Variants in LARGE1 observed in about 807,000 individuals in gnomAD.
LARGE1 encodes xylosyl- and glucuronyltransferase LARGE1.
A neutral mutation model predicts 87.6 loss-of-function variants in LARGE1; 43 were observed. The observed-to-expected ratio is 0.49, with a 90% CI of 0.38 to 0.63. The LOEUF (loss-of-function observed/expected upper bound fraction) is 0.63, where lower values mean the gene tolerates loss of function less well. Ranked by LOEUF, LARGE1 falls within the 30% of genes least tolerant of loss-of-function variation. The pLI, the probability that LARGE1 is intolerant of heterozygous loss-of-function variation, is 0.00. For missense variants in LARGE1, 802 were observed against 1,000.2 expected (o/e 0.80, Z 2.67); for synonymous variants, 434 against 394.6 (o/e 1.10, Z -1.18).
At chr22:33,539,279 G>T (rs939313870) in intron 6 of LARGE1, among the ~76,000 whole-genome samples, 1 of 150,950 alleles carries the variant, frequency 6.6e-6, no homozygotes, top group Non-Finnish European at 1.5e-5. Flanking sequence ...GCAAGTCCTG[G>T]TAACAGAATC....
intron 11 of LARGE1, among the ~76,000 whole-genome samples, chr22:33,209,121 G>T (rs7285709): frequency 0.22 from 33,523 of 152,112 alleles, 4,091 homozygotes; most frequent in Middle Eastern, 0.34. Context: ...GGCATTTCTG[G>T]TTCTAAATCC....
At chr22:33,500,592 T>C (rs2070379877) in intron 6 of LARGE1, among the ~76,000 whole-genome samples, 1 of 152,214 alleles carries the variant, frequency 6.6e-6, no homozygotes, top group African/African-American at 2.4e-5. Flanking sequence ...AGCATCCCTC[T>C]GCCTGACTCT....
At chr22:33,267,005 C>T (rs145082415) in intron 11 of LARGE1, among the ~76,000 whole-genome samples, 4 of 151,658 alleles carry the variant, frequency 2.6e-5, no homozygotes, top group Non-Finnish European at 5.9e-5. Flanking sequence ...TTTGGGAGTC[C>T]GAAGCAGGTG....
chr22:33,495,653 A>T (rs2070077028), intron 6 of LARGE1, among the ~76,000 whole-genome samples: 1 of 151,952 alleles, frequency 6.6e-6, no homozygotes, highest in Admixed American at 6.6e-5. Flanking sequence ...TGGGAGGCGG[A>T]GGTTGCAGTG....
rs538631671 is a variant in LARGE1 at position 33,514,336 on chromosome 22, G to GTA, written c.787+50510_787+50511dup. ...TGCACAGTTATGCCTGCATATGTGT[G>GTA]TATATATATATTCATAGACATATGC... On this transcript the variant is annotated intron_variant, in intron 6 of 14. Coordinates refer to ENST00000397394, the MANE Select transcript of LARGE1 (RefSeq NM_133642.5). Among the ~76,000 whole-genome samples, 142 of 152,028 alleles carry GTA rather than the reference G, an allele frequency of 9.3e-4. 1 individual carries two copies. Among genetic ancestry groups the GTA allele is most frequent in the Middle Eastern group, 3.4e-3 (1 of 292 alleles).
At chr22:33,497,775 A>G (rs1441569878) in intron 6 of LARGE1, among the ~76,000 whole-genome samples, 1 of 152,206 alleles carries the variant, frequency 6.6e-6, no homozygotes, top group Non-Finnish European at 1.5e-5. Context: ...TAACAATCAT[A>G]TATTACTGGC....
chr22:33,741,534 G>A (rs1368837983), intron 2 of LARGE1, among the ~76,000 whole-genome samples: 1 of 152,254 alleles, frequency 6.6e-6, no homozygotes, highest in Non-Finnish European at 1.5e-5. Context: ...ACACACCCAA[G>A]TGTGCTGCAG....
the LARGE1 span, among the ~76,000 whole-genome samples, chr22:33,100,183 C>T: frequency 6.6e-6 from 1 of 151,134 alleles, no homozygotes; most frequent in Non-Finnish European, 1.5e-5. Context: ...TAAAACAAAA[C>T]AAAACAAAAC....
Position 33,807,634 on chromosome 22 carries a change from G to A in LARGE1, c.-82-46076C>T, listed in dbSNP as rs1052588891. On this transcript the variant is annotated intron_variant, in intron 1 of 14. Coordinates refer to ENST00000397394, the MANE Select transcript of LARGE1 (RefSeq NM_133642.5). ...ATATCATACAGAGTAGTTTTACTGC[G>A]CTAAAAATAGTCTGAGCTCTGCTGA... is the stretch of plus-strand genomic sequence containing the variant. Among the ~76,000 whole-genome samples, 14 of 152,256 alleles carry A rather than the reference G, an allele frequency of 9.2e-5. No individual in the cohort carries two copies. In the East Asian group the frequency reaches 1.2e-3, roughly 13 times the overall value.
At chr22:33,536,112 C>T (rs748959634) in intron 6 of LARGE1, among the ~76,000 whole-genome samples, 1 of 152,134 alleles carries the variant, frequency 6.6e-6, no homozygotes, top group Non-Finnish European at 1.5e-5. Flanking sequence ...GCACTCTGAA[C>T]AAGGGAAAGC....
At chr22:33,089,310 CTTCTTTCTTCTTT>C in the LARGE1 span, among the ~76,000 whole-genome samples, 1 of 119,870 alleles carries the variant, frequency 8.3e-6, no homozygotes, top group Non-Finnish European at 1.9e-5. Flanking sequence ...TCCTCTTCTT[CTTCTTTCTTCTTT>C]CTTCTTCTTC....
intron 12 of LARGE1, among the ~76,000 whole-genome samples, chr22:33,295,054 C>T (rs1414498186): frequency 6.6e-6 from 1 of 152,186 alleles, no homozygotes; most frequent in Non-Finnish European, 1.5e-5. Flanking sequence ...GGGCCTAGCA[C>T]AGCACCTGCC....
At chr22:33,840,884 A>G (rs1162925067) in intron 1 of LARGE1, among the ~76,000 whole-genome samples, 1 of 152,104 alleles carries the variant, frequency 6.6e-6, no homozygotes, top group Non-Finnish European at 1.5e-5. Context: ...CAGCCTCCCA[A>G]AGTGCTGGGA....
intron 9 of LARGE1, among the ~76,000 whole-genome samples, chr22:33,379,503 C>T (rs1428315065): frequency 2.0e-5 from 3 of 152,190 alleles, no homozygotes; most frequent in Non-Finnish European, 2.9e-5. Flanking sequence ...CACATGCACA[C>T]CTATGTTTAC....
In LARGE1 at chr22:33,503,849, A is replaced by C. The variant is rs542741336; in HGVS notation, c.787+60999T>G. On this transcript the variant is annotated intron_variant, in intron 6 of 14. Coordinates refer to ENST00000397394, the MANE Select transcript of LARGE1 (RefSeq NM_133642.5). The stretch of plus-strand genomic sequence containing the variant: ...ACCAAAAAACAAAACAAAACAAAAC[A>C]AAAACCATGAGAACAACCTACCTAA... Among the ~76,000 whole-genome samples the C allele has an allele frequency of 3.3e-5, 5 of 152,168 alleles. No homozygotes were observed. In the East Asian group the frequency reaches 9.7e-4, roughly 29 times the overall value.
intron 8 of LARGE1, among the ~76,000 whole-genome samples, chr22:33,383,034 C>T (rs1007172160): frequency 2.0e-5 from 3 of 152,104 alleles, no homozygotes; most frequent in Non-Finnish European, 4.4e-5. Context: ...AGGCATTCGA[C>T]GAACCAGGAA....
chr22:33,576,719 A>T (rs2078363450), intron 5 of LARGE1, among the ~76,000 whole-genome samples: 1 of 152,190 alleles, frequency 6.6e-6, no homozygotes, highest in Admixed American at 6.5e-5. Flanking sequence ...CAAAATCCTC[A>T]GGTGCACAAG....
chr22:33,266,191 C>G (rs1175328036), intron 11 of LARGE1, among the ~76,000 whole-genome samples: 4 of 148,598 alleles, frequency 2.7e-5, no homozygotes, highest in Non-Finnish European at 4.4e-5. Context: ...GCACTGGGGC[C>G]ACGTGGGCCT....
intron 12 of LARGE1, among the ~76,000 whole-genome samples, chr22:33,303,762 C>T (rs1047225106): frequency 6.0e-5 from 9 of 150,972 alleles, no homozygotes; most frequent in East Asian, 1.9e-4. Flanking sequence ...GCTGGGATTA[C>T]GGGCACATGC....
Sources: gnomAD v4.1 joint callset for allele counts (sites outside exome capture counted in the v4.1 genomes callset) on GRCh38, gnomAD v4.1.1 for gene constraint, MANE v1.5 for transcripts, NCBI Gene and HGNC (gene_info 2026-07-23, HGNC 2026-07-21) for gene names.